Variants in SORL1-AS1 observed in about 807,000 individuals in gnomAD.
The protein encoded by SORL1-AS1 is SORL1 antisense RNA 1, also known as lncRNA 51 A.
chr11:121,447,132 T>C (rs1369476596), downstream of SORL1-AS1, among the ~76,000 whole-genome samples: 4 of 152,120 alleles, frequency 2.6e-5, no homozygotes, highest in African/African-American at 7.2e-5. Flanking sequence ...CAGCAACCCA[T>C]TGTCTTATGT....
chr11:121,444,708 G>A (rs1490088296), downstream of SORL1-AS1, among the ~76,000 whole-genome samples: 1 of 152,182 alleles, frequency 6.6e-6, no homozygotes. Flanking sequence ...CCCCTGCTGG[G>A]AGGCATCCAA....
chr11:121,442,929 C>T (rs111738973), downstream of SORL1-AS1, among the ~76,000 whole-genome samples: 14,382 of 150,466 alleles, frequency 0.096, 776 homozygotes, highest in Non-Finnish European at 0.12. Flanking sequence ...CCGTCCATCT[C>T]GGCCTCCCAA....
chr11:121,440,549 C>T, the SORL1-AS1 span, among the ~76,000 whole-genome samples: 6 of 152,176 alleles, frequency 3.9e-5, no homozygotes, highest in Non-Finnish European at 7.3e-5. Flanking sequence ...TTCATAGAAA[C>T]CAGAATTCCT....
chr11:121,451,320 G>A lies in SORL1-AS1; in HGVS notation n.339+1355C>T, dbSNP rs116683483. On this transcript the variant is annotated intron_variant and non_coding_transcript_variant, in intron 1 of 1. Coordinates refer to ENST00000501964, the Ensembl canonical transcript of SORL1-AS1. ...CAGAAGTTTTATCTCCTGTGGTTCA[G>A]AGAGTTTGGCTCGTCAAGCTGAATG... Among the ~76,000 whole-genome samples, 816 of 152,328 alleles carry A rather than the reference G, an allele frequency of 5.4e-3. 4 individuals are homozygous for A. Among genetic ancestry groups the A allele is most frequent in the African/African-American group, 0.017 (693 of 41,562 alleles).
downstream of SORL1-AS1, among the ~76,000 whole-genome samples, chr11:121,442,718 G>A (rs1414768228): frequency 1.3e-4 from 19 of 143,872 alleles, no homozygotes; most frequent in African/African-American, 1.8e-4. Context: ...TTGCTCTGTC[G>A]CCCAGGCTGG....
chr11:121,448,131 A>G (rs1860746265), exon 2 of SORL1-AS1: 1 of 152,220 alleles, frequency 6.6e-6, no homozygotes, highest in Non-Finnish European at 1.5e-5. Context: ...GCCCACTTCA[A>G]AGGGTTGCTG....
At position 121,452,717 on chromosome 11, in the gene SORL1-AS1, C is replaced by A; in HGVS notation, n.297G>T. On this transcript the variant is annotated non_coding_transcript_exon_variant, in exon 1 of 2. Transcript: ENST00000501964. The surrounding 1 kb of genome is among the most constrained non-coding windows in gnomAD (Gnocchi z 5.3). ...GCAGTCGCCTCCTAGGTGCAGGCAC[C>A]ACTGGGGACTTCCCGGCTTGCATTT... 9.5e-7 allele frequency: 1 copy of A among 1,048,706 alleles called. No homozygotes were observed. The highest frequency in any genetic ancestry group is 1.3e-6 in the Non-Finnish European group (1 of 782,464). The allele number at this position is 1,048,706 out of a possible 1,614,324, so 65.0% of individuals were successfully genotyped here.
chr11:121,440,412 G>A, the SORL1-AS1 span, among the ~76,000 whole-genome samples: 1 of 152,124 alleles, frequency 6.6e-6, no homozygotes, highest in African/African-American at 2.4e-5. Context: ...GAACTCCAGA[G>A]GGCCAGAGGA....
the SORL1-AS1 span, among the ~76,000 whole-genome samples, chr11:121,440,194 G>A: frequency 2.4e-4 from 36 of 152,326 alleles, no homozygotes; most frequent in African/African-American, 8.2e-4. Flanking sequence ...CAAACATGGT[G>A]AAACCCTGTC....
Position 121,452,645 on chromosome 11 carries a change from C to T in SORL1-AS1, n.339+30G>A, listed in dbSNP as rs1490957996. On this transcript the variant is annotated intron_variant and non_coding_transcript_variant, in intron 1 of 1. Coordinates refer to ENST00000501964, the Ensembl canonical transcript of SORL1-AS1. The surrounding 1 kb of genome is among the most constrained non-coding windows in gnomAD (Gnocchi z 5.3). The stretch of plus-strand genomic sequence containing the variant: ...AGCAGTTTTGCAACCCGCCTCCCTC[C>T]AGTTTTTTCCTCTCCCTGCACTTCC... 2.1e-6 allele frequency: 3 copies of T among 1,424,364 alleles called. No homozygotes were observed. The highest frequency in any genetic ancestry group is 2.7e-6 in the Non-Finnish European group (3 of 1,091,484). The allele number at this position is 1,424,364 out of a possible 1,614,324, so 88.2% of individuals were successfully genotyped here. A position where few individuals can be genotyped will look rare whatever the true frequency, so the allele number is the denominator to read the frequency against.
chr11:121,452,827 A>G lies in SORL1-AS1; in HGVS notation n.187T>C, dbSNP rs1263155294. 6.2e-6 allele frequency: 3 copies of G among 486,818 alleles called. No individual in the cohort carries two copies. The highest frequency in any genetic ancestry group is 1.1e-5 in the Non-Finnish European group (3 of 283,372). 30.2% of individuals were successfully genotyped at this position (486,818 alleles called of 1,614,324 possible). ...CCTGTCGATTTAGTAAACGTATTCC[A>G]GGTAACTCGCCGGGTGCAGTGCGTA... On this transcript the variant is annotated non_coding_transcript_exon_variant, in exon 1 of 2. Transcript: ENST00000501964. This position sits in a 1 kb window ranked among gnomAD's most constrained non-coding sequence, Gnocchi z 5.3.
chr11:121,438,780 C>A, the SORL1-AS1 span, among the ~76,000 whole-genome samples: 1 of 152,180 alleles, frequency 6.6e-6, no homozygotes, highest in Non-Finnish European at 1.5e-5. Context: ...GTAATCCCAG[C>A]ACTTTGGGAG....
the SORL1-AS1 span, among the ~76,000 whole-genome samples, chr11:121,438,950 C>T: frequency 1.3e-5 from 2 of 152,172 alleles, no homozygotes; most frequent in South Asian, 2.1e-4. Context: ...TGCTTGAACC[C>T]GGGAGGCAGA....
the SORL1-AS1 span, among the ~76,000 whole-genome samples, chr11:121,440,347 C>G: frequency 6.6e-6 from 1 of 152,188 alleles, no homozygotes; most frequent in Non-Finnish European, 1.5e-5. Context: ...GCCCTCCAGC[C>G]TGGGCGATAG....
At position 121,452,248 on chromosome 11, in the gene SORL1-AS1, G is replaced by T; in HGVS notation, n.339+427C>A. 1.8e-6 allele frequency: 2 copies of T among 1,138,614 alleles called. No individual in the cohort carries two copies. Among genetic ancestry groups the T allele is most frequent in the Non-Finnish European group, 2.2e-6 (2 of 890,208 alleles). 70.5% of individuals were successfully genotyped at this position (1,138,614 alleles called of 1,614,324 possible). ...CTGGAGCCCCGGGAGCGGCGCGCGC[G>T]GTCCCGGCCCAGCGGCTCTCCTGGC... On this transcript the variant is annotated intron_variant and non_coding_transcript_variant, in intron 1 of 1. Coordinates refer to ENST00000501964, the Ensembl canonical transcript of SORL1-AS1. This position sits in a 1 kb window ranked among gnomAD's most constrained non-coding sequence, Gnocchi z 5.3.
At chr11:121,448,664 C>T (rs890165571) in exon 2 of SORL1-AS1, 4 of 152,270 alleles carry the variant, frequency 2.6e-5, no homozygotes, top group Non-Finnish European at 2.9e-5. Context: ...TCACTTCTCA[C>T]CTTCATTTAA....
chr11:121,445,534 C>T (rs775442793), downstream of SORL1-AS1, among the ~76,000 whole-genome samples: 1 of 152,128 alleles, frequency 6.6e-6, no homozygotes, highest in African/African-American at 2.4e-5. Context: ...GCAGGCACCA[C>T]CCCACCTACC....
In SORL1-AS1 at chr11:121,450,712, G is replaced by C. The variant is rs1488870785; in HGVS notation, n.340-813C>G. Among the ~76,000 whole-genome samples the C allele has an allele frequency of 2.0e-5, 3 of 152,144 alleles. No individual in the cohort carries two copies. The highest frequency in any genetic ancestry group is 4.4e-5 in the Non-Finnish European group (3 of 68,022). ...TGAACAAAGCAGGGTGGTTAACATA[G>C]AGAATGCATGATTTGCTTGGTGGGG... On this transcript the variant is annotated intron_variant and non_coding_transcript_variant, in intron 1 of 1. Transcript: ENST00000501964. The surrounding 1 kb of genome is among the most constrained non-coding windows in gnomAD (Gnocchi z 5.2).
In SORL1-AS1 at chr11:121,452,380, A is replaced by G; in HGVS notation, n.339+295T>C. 1 of 1,549,544 alleles carries G rather than the reference A, an allele frequency of 6.5e-7. No homozygotes were observed. Among genetic ancestry groups the G allele is most frequent in the East Asian group, 2.6e-5 (1 of 38,168 alleles). ...GGAGTCGCGACTCCCGTTCCTATTC[A>G]CCCTGGTCGCACTGCTGCCGCCCGG... On this transcript the variant is annotated intron_variant and non_coding_transcript_variant, in intron 1 of 1. Coordinates refer to ENST00000501964, the Ensembl canonical transcript of SORL1-AS1. The surrounding 1 kb of genome is among the most constrained non-coding windows in gnomAD (Gnocchi z 5.3).
Sources: gnomAD v4.1 joint callset for allele counts (sites outside exome capture counted in the v4.1 genomes callset) on GRCh38, gnomAD v4.1.1 for gene constraint, Gnocchi (gnomAD v3.1) non-coding constraint, MANE v1.5 for transcripts, NCBI Gene and HGNC (gene_info 2026-07-23, HGNC 2026-07-21) for gene names.